The following TP63 variants were observed in gnomAD, a reference collection of about 807,000 sequenced individuals.
TP63 encodes the protein tumor protein p63, also known as tumor protein 63.
In TP63, 17 loss-of-function variants were observed where a neutral mutation model predicts 82.8. The observed-to-expected ratio is 0.21, with a 90% CI of 0.14 to 0.31. The LOEUF is 0.31. Ranked by LOEUF, TP63 falls within the 10% of genes least tolerant of loss-of-function variation. The pLI, the probability that TP63 is intolerant of heterozygous loss-of-function variation, is 1.00. For synonymous variants in TP63, 330 were observed against 321.7 expected, an observed-to-expected ratio of 1.03 and a Z score of -0.28; for missense variants, 648 against 895.3, an observed-to-expected ratio of 0.72 and a Z score of 3.52.
At chr3:189,682,763 T>C (rs1716091753) in intron 1 of TP63, among the ~76,000 whole-genome samples, 1 of 151,972 alleles carries the variant, frequency 6.6e-6, no homozygotes, top group Non-Finnish European at 1.5e-5. Flanking sequence ...TGTGATCTAA[T>C]GGCCTTTTCT....
intron 1 of TP63, among the ~76,000 whole-genome samples, chr3:189,718,346 C>A (rs1719119808): frequency 6.6e-6 from 1 of 151,586 alleles, no homozygotes; most frequent in South Asian, 2.1e-4. Flanking sequence ...TTGATTGACT[C>A]AGACAGAGTT....
intron 3 of TP63, among the ~76,000 whole-genome samples, chr3:189,757,100 C>T (rs1722242593): frequency 6.6e-6 from 1 of 152,186 alleles, no homozygotes; most frequent in African/African-American, 2.4e-5. Flanking sequence ...AAAAATTCTA[C>T]AATGTTATAT....
the TP63 span, among the ~76,000 whole-genome samples, chr3:189,619,437 A>G: frequency 6.6e-6 from 1 of 152,182 alleles, no homozygotes; most frequent in Non-Finnish European, 1.5e-5. Context: ...AGGTGTTTCC[A>G]ACCAGCCTTA....
At chr3:189,839,046 A>AG (rs1713578790) in intron 4 of TP63, among the ~76,000 whole-genome samples, 1 of 143,010 alleles carries the variant, frequency 7.0e-6, no homozygotes, top group African/African-American at 2.6e-5. Context: ...AAGCTAAAAA[A>AG]AAAAAAAAAA....
chr3:189,665,590 G>A (rs944723338), intron 1 of TP63, among the ~76,000 whole-genome samples: 1 of 152,072 alleles, frequency 6.6e-6, no homozygotes, highest in African/African-American at 2.4e-5. Context: ...GGCTGAGCAG[G>A]AAGAAGAGTG....
intron 4 of TP63, among the ~76,000 whole-genome samples, chr3:189,824,164 C>T (rs1457799551): frequency 3.3e-5 from 5 of 151,900 alleles, no homozygotes; most frequent in Non-Finnish European, 7.4e-5. Flanking sequence ...AATGGCTGGC[C>T]GTGGGAGCCC....
chr3:189,719,094 A>T (rs1277575476), intron 1 of TP63, among the ~76,000 whole-genome samples: 4 of 152,108 alleles, frequency 2.6e-5, no homozygotes. Flanking sequence ...TAGCAGCAAG[A>T]ACAAAACTCA....
chr3:189,683,836 C>T (rs1211108957), intron 1 of TP63, among the ~76,000 whole-genome samples: 1 of 152,212 alleles, frequency 6.6e-6, no homozygotes, highest in Non-Finnish European at 1.5e-5. Context: ...GGAATAACAA[C>T]AACTCAGCAC....
chr3:189,747,092 A>C (rs1052719449), intron 3 of TP63, among the ~76,000 whole-genome samples: 1 of 152,092 alleles, frequency 6.6e-6, no homozygotes, highest in African/African-American at 2.4e-5. Flanking sequence ...CAGAGCACCC[A>C]TGTATATAAA....
intron 1 of TP63, among the ~76,000 whole-genome samples, chr3:189,673,826 T>G (rs1463821953): frequency 1.3e-5 from 2 of 152,166 alleles, no homozygotes; most frequent in Non-Finnish European, 2.9e-5. Context: ...ATAAAATTCA[T>G]TTTCTGGATA....
At chr3:189,602,984 A>C in the TP63 span, among the ~76,000 whole-genome samples, 6 of 152,328 alleles carry the variant, frequency 3.9e-5, no homozygotes, top group African/African-American at 1.4e-4. Flanking sequence ...AAATTCATTT[A>C]TAAACTTTTA....
intron 10 of TP63, among the ~76,000 whole-genome samples, chr3:189,883,347 A>AG (rs1209149210): frequency 6.6e-6 from 1 of 152,162 alleles, no homozygotes; most frequent in Non-Finnish European, 1.5e-5. Context: ...TGTGGCTTTA[A>AG]AACTCACTTT....
chr3:189,765,724 C>T (rs1434463275), intron 3 of TP63, among the ~76,000 whole-genome samples: 3 of 151,516 alleles, frequency 2.0e-5, no homozygotes, highest in Non-Finnish European at 2.9e-5. Context: ...TGAGCCACCG[C>T]GCCCGGCCTG....
chr3:189,704,694 A>G (rs1254352479), intron 1 of TP63, among the ~76,000 whole-genome samples: 1 of 152,236 alleles, frequency 6.6e-6, no homozygotes, highest in Non-Finnish European at 1.5e-5. Context: ...GGCTCTCAAT[A>G]AATATTCCTC....
intron 1 of TP63, among the ~76,000 whole-genome samples, chr3:189,721,810 G>A (rs1409106701): frequency 2.6e-5 from 4 of 152,102 alleles, no homozygotes; most frequent in African/African-American, 9.7e-5. Context: ...AATCTCTTGT[G>A]GAATTTCTAG....
chr3:189,633,389 C>A (rs1281892472), intron 1 of TP63, among the ~76,000 whole-genome samples: 2 of 152,000 alleles, frequency 1.3e-5, no homozygotes, highest in African/African-American at 4.8e-5. Flanking sequence ...CCACCTTCCA[C>A]CCTCTGAAAG....
At chr3:189,626,511 C>T (rs771142805), upstream of TP63, among the ~76,000 whole-genome samples, 3 of 152,158 alleles carry the variant, frequency 2.0e-5, no homozygotes, top group Non-Finnish European at 2.9e-5. Context: ...CAGAGCTCTA[C>T]GGAACATGCA....
At chr3:189,640,103 A>G (rs1711692477) in intron 1 of TP63, among the ~76,000 whole-genome samples, 1 of 152,072 alleles carries the variant, frequency 6.6e-6, no homozygotes, top group Non-Finnish European at 1.5e-5. Flanking sequence ...TTACTTCTTA[A>G]CTACATAAAT....
the TP63 span, among the ~76,000 whole-genome samples, chr3:189,625,015 G>A: frequency 6.6e-6 from 1 of 152,108 alleles, no homozygotes; most frequent in Non-Finnish European, 1.5e-5. Context: ...AAATCCCACA[G>A]CCACTCCATC....
Sources: gnomAD v4.1 joint callset for allele counts (sites outside exome capture counted in the v4.1 genomes callset) on GRCh38, gnomAD v4.1.1 for gene constraint, MANE v1.5 for transcripts, NCBI Gene and HGNC (gene_info 2026-07-23, HGNC 2026-07-21) for gene names.